YLPM1: variants seen among roughly 807,000 people sequenced by gnomAD.
YLPM1 encodes YLP motif-containing protein 1.
YLPM1 carries 99 observed loss-of-function variants against 230.0 expected under a neutral mutation model. That is an observed-to-expected ratio of 0.43 (90% CI 0.37 to 0.51). The LOEUF (loss-of-function observed/expected upper bound fraction) is 0.51. Among genes scored for constraint, YLPM1 ranks in the 20% least tolerant of loss-of-function variants. The probability of loss-of-function intolerance (pLI) is 0.00; values close to 1 mark genes in which losing one functional copy is unlikely to be tolerated. For synonymous variants in YLPM1, 984 were observed against 942.5 expected, an observed-to-expected ratio of 1.04 and a Z score of -0.81; for missense variants, 2,592 against 2,707.7, an observed-to-expected ratio of 0.96 and a Z score of 0.95.
At chr14:74,830,831 G>A (rs988930586) in intron 19 of YLPM1, among the ~76,000 whole-genome samples, 6 of 152,130 alleles carry the variant, frequency 3.9e-5, no homozygotes, top group East Asian at 1.9e-4. Context: ...GCTCATTACC[G>A]TCAGGAGGGC....
chr14:74,769,937 C>CTTTGGA (rs1025621525), intron 1 of YLPM1, among the ~76,000 whole-genome samples: 3 of 149,048 alleles, frequency 2.0e-5, no homozygotes, highest in Non-Finnish European at 4.4e-5. Context: ...AATCCCAGCA[C>CTTTGGA]TTTGGGAGGC....
chr14:74,791,669 CAT>C (rs2140101168), intron 4 of YLPM1, among the ~76,000 whole-genome samples: 1 of 152,340 alleles, frequency 6.6e-6, no homozygotes, highest in Non-Finnish European at 1.5e-5. Context: ...GCAAGACAAA[CAT>C]GTTCCATATT....
Position 74,821,095 on chromosome 14 carries a change from G to T in YLPM1, c.6069G>T (p.Gln2023His). 1 of 1,545,208 alleles carries T rather than the reference G, an allele frequency of 6.5e-7. No homozygotes were observed. The highest frequency in any genetic ancestry group is 8.7e-7 in the Non-Finnish European group (1 of 1,144,390). The change falls in exon 17 of 21, where the codon CAG becomes CAT. Residue 2023 changes from glutamine (Q) to histidine (H), a missense_variant. Physicochemically the swap from Gln to His is conservative, Grantham distance 24. Transcript: ENST00000325680. ...ATTTTGATGCAAATATCGAAGAACAGAAAGAAGAAAAGAAAGATGCAGAGG... is the reference window on the plus strand; with the variant it reads ...ATTTTGATGCAAATATCGAAGAACATAAAGAAGAAAAGAAAGATGCAGAGG... Reference protein sequence around the residue: ...MEDFDANIEEQKEEKKDAEEE... With the variant: ...MEDFDANIEEHKEEKKDAEEE...
intron 4 of YLPM1, among the ~76,000 whole-genome samples, chr14:74,788,774 C>T (rs1392353814): frequency 6.6e-6 from 1 of 151,918 alleles, no homozygotes; most frequent in Non-Finnish European, 1.5e-5. Context: ...GCCTGGGAGG[C>T]CAAGGCAGCA....
chr14:74,827,987 G>A, intron 18 of YLPM1: 1 of 985,364 alleles, frequency 1.0e-6, no homozygotes, highest in Non-Finnish European at 1.2e-6. Flanking sequence ...AACTGTTGCA[G>A]TTCGCCTTAC....
chr14:74,810,401 C>T lies in YLPM1; in HGVS notation c.5209C>T (p.Arg1737Cys), dbSNP rs753719257. ...TGACCGGGATCGATTTGACAGAGAACGCCGACCCCGAGATGATAGGTATGC... is the reference window on the plus strand; with the variant it reads ...TGACCGGGATCGATTTGACAGAGAATGCCGACCCCGAGATGATAGGTATGC... ...DYDRDRFDRE[R>C]RPRDDRAQSY... The change falls in exon 9 of 21, where the codon CGC becomes TGC. Residue 1737 changes from arginine (R) to cysteine (C), a missense_variant. Around this residue, in one of 4 missense-constraint regions of YLPM1, gnomAD observed 403 missense variants for 426.7 expected, o/e 0.94. Transcript: ENST00000325680. The T allele has an allele frequency of 6.9e-6, 11 of 1,602,408 alleles. No individual in the cohort carries two copies. In the East Asian group the frequency reaches 1.1e-4, roughly 16 times the overall value.
At position 74,798,440 on chromosome 14, in the gene YLPM1, G is replaced by A. The variant is rs752538904; in HGVS notation, c.3143G>A (p.Gly1048Asp). ...NRGRGQAISR[G>D]PGLVKQEDFR... Reference sequence around the variant, plus strand: ...GGTCGCGGCCAGGCAATCAGTCGAGGCCCAGGATTGGTCAAGCAAGAAGAC... The same window carrying A: ...GGTCGCGGCCAGGCAATCAGTCGAGACCCAGGATTGGTCAAGCAAGAAGAC... The change falls in exon 5 of 21, where the codon GGC (glycine) becomes GAC (aspartate). Residue 1048 changes from glycine (G) to aspartate (D), a missense_variant. Gly to Asp is a moderately conservative substitution (Grantham distance 94, BLOSUM62 -1). This residue lies in a region of YLPM1 where 1,862 missense variants were observed against 1,819.8 expected (regional missense o/e 1.02). Transcript: ENST00000325680. 9.3e-6 allele frequency: 15 copies of A among 1,613,878 alleles called. No homozygotes were observed. The East Asian group carries it at 2.9e-4, about 31-fold the overall frequency.
Position 74,763,456 on chromosome 14 carries a change from G to A in YLPM1, c.-34G>A. On this transcript the variant is annotated 5_prime_UTR_variant, in exon 1 of 21. Transcript: ENST00000325680. ...TGGAGGTCGGTTGCGACGAGTAACG[G>A]CGCCAGGACGAGCCCTGCGCCTTCT... The A allele has an allele frequency of 7.2e-7, 1 of 1,391,228 alleles. No individual in the cohort carries two copies. The highest frequency in any genetic ancestry group is 1.5e-5 in the African/African-American group (1 of 66,744). 86.2% of individuals were successfully genotyped at this position (1,391,228 alleles called of 1,614,324 possible).
In YLPM1 at chr14:74,794,713, CAT is replaced by C. The variant is rs200572382; in HGVS notation, c.2283-2866_2283-2865del. ...AATATAAGGTTAACTCTTATTAACA[CAT>C]GTTAGATAATAAGGAAGAAAACTAA... On this transcript the variant is annotated intron_variant, in intron 4 of 20. Coordinates refer to ENST00000325680, the MANE Select transcript of YLPM1 (RefSeq NM_019589.3). 5.5e-3 allele frequency among the ~76,000 whole-genome samples: 830 copies of C among 152,042 alleles called. 28 individuals are homozygous for C. Among genetic ancestry groups the C allele is most frequent in the Admixed American group, 0.049 (744 of 15,250 alleles).
chr14:74,810,990 A>AT (rs952085543), intron 9 of YLPM1, among the ~76,000 whole-genome samples: 27 of 148,422 alleles, frequency 1.8e-4, no homozygotes, highest in East Asian at 1.2e-3. Flanking sequence ...TGCCTGGCTA[A>AT]TTTTTTTTTT....
intron 17 of YLPM1, 142 bp from the exon 18 acceptor site, chr14:74,824,114 T>C: frequency 1.4e-6 from 1 of 722,356 alleles, no homozygotes; most frequent in Non-Finnish European, 2.3e-6. Context: ...ATAATGAGAT[T>C]GTGTTTCCCC....
At chr14:74,800,425 T>G (rs2091313400) in intron 5 of YLPM1, among the ~76,000 whole-genome samples, 1 of 152,202 alleles carries the variant, frequency 6.6e-6, no homozygotes, top group Admixed American at 6.5e-5. Context: ...CTGTACTAAG[T>G]GTGTTGTGTA....
intron 1 of YLPM1, among the ~76,000 whole-genome samples, chr14:74,766,388 G>GA (rs990937200): frequency 2.0e-5 from 3 of 152,072 alleles, no homozygotes; most frequent in African/African-American, 7.2e-5. Context: ...ACAAAATAGA[G>GA]AAAAAAGTAT....
At chr14:74,802,730 T>C (rs529315473) in intron 6 of YLPM1, 54 bp downstream of exon 6, 443 of 1,488,302 alleles carry the variant, frequency 3.0e-4, no homozygotes, top group Non-Finnish European at 3.5e-4. Context: ...TGTATGTTTC[T>C]ATGTTGTTTG....
rs142710574 is a variant in YLPM1 at position 74,785,527 on chromosome 14, G to A, written c.2282+3202G>A. ...TCCAGTGTAACTAGGTAAAAAATCA[G>A]TGGGAAGCTGGTTAGTGAGTGAACA... On this transcript the variant is annotated intron_variant, in intron 4 of 20. Coordinates refer to ENST00000325680, the MANE Select transcript of YLPM1 (RefSeq NM_019589.3). Among the ~76,000 whole-genome samples, 373 of 152,288 alleles carry A rather than the reference G, an allele frequency of 2.4e-3. 1 individual carries two copies. The highest frequency in any genetic ancestry group is 8.4e-3 in the African/African-American group (351 of 41,542).
Position 74,798,712 on chromosome 14 carries a change from G to A in YLPM1, c.3415G>A (p.Ala1139Thr). ...TAGAGAGAGAATACCACCCCGAAGA[G>A]CTGGGAGCAGGGAGAGAGGACCACC... ...GSRERIPPRR[A>T]GSRERGPPRG... Residue 1139 changes from alanine to threonine, a missense_variant, in exon 5 of 21, where the codon GCT (alanine) becomes ACT (threonine). Ala to Thr is a moderately conservative substitution (Grantham distance 58). Coordinates refer to ENST00000325680, the MANE Select transcript of YLPM1 (RefSeq NM_019589.3). 1 of 1,612,430 alleles carries A rather than the reference G, an allele frequency of 6.2e-7. No homozygotes were observed. The highest frequency in any genetic ancestry group is 8.5e-7 in the Non-Finnish European group (1 of 1,178,900).
At position 74,780,486 on chromosome 14, in the gene YLPM1, G is replaced by A. The variant is rs775301680; in HGVS notation, c.1192G>A (p.Val398Ile). 6.8e-6 allele frequency: 11 copies of A among 1,613,862 alleles called. No individual in the cohort carries two copies. The highest frequency in any genetic ancestry group is 9.3e-6 in the Non-Finnish European group (11 of 1,179,900). ...AHWQQHQQHR[V>I]GFQYQGIMQK... is the part of the protein sequence containing the mutation. ...CTGGCAGCAGCACCAGCAGCATCGA[G>A]TCGGTTTCCAGTATCAGGGAATAAT... Residue 398 changes from valine to isoleucine, a missense_variant, in exon 3 of 21, where the codon GTC (valine) becomes ATC (isoleucine). By Grantham distance (29) the Val-to-Ile change is conservative. Around this residue, in one of 4 missense-constraint regions of YLPM1, gnomAD observed 1,862 missense variants for 1,819.8 expected, o/e 1.02. Transcript: ENST00000325680.
At chr14:74,804,009 T>C (rs1028136574) in intron 6 of YLPM1, among the ~76,000 whole-genome samples, 3 of 151,898 alleles carry the variant, frequency 2.0e-5, no homozygotes, top group African/African-American at 7.3e-5. Context: ...AGTACAAAAT[T>C]AGCCGGGCGT....
rs760121693 is a variant in YLPM1, at chr14:74,836,061, ACTAT to A, written c.*326_*329del. 15 of 325,992 alleles carry A rather than the reference ACTAT, an allele frequency of 4.6e-5. No individual in the cohort carries two copies. The highest frequency in any genetic ancestry group is 8.4e-5 in the Non-Finnish European group (14 of 166,296). 20.2% of individuals were successfully genotyped at this position (325,992 alleles called of 1,614,324 possible). Reference sequence around the variant, plus strand: ...TTTCCTCCACTGTACAATGTCACAGACTATCTCTATCATCATTGCTTTGTGGCTG... The same window carrying A: ...TTTCCTCCACTGTACAATGTCACAGACTCTATCATCATTGCTTTGTGGCTG... On this transcript the variant is annotated 3_prime_UTR_variant, in exon 21 of 21. Transcript: ENST00000325680.
Sources: gnomAD v4.1 joint callset for allele counts (sites outside exome capture counted in the v4.1 genomes callset) on GRCh38, gnomAD v4.1.1 for gene constraint, gnomAD v4.1.1 regional missense constraint, MANE v1.5 for transcripts, NCBI Gene and HGNC (gene_info 2026-07-23, HGNC 2026-07-21) for gene names.